Variants in MYO3B observed in about 807,000 individuals in gnomAD.
MYO3B encodes the protein myosin-IIIb.
In MYO3B, 156 loss-of-function variants were observed where a neutral mutation model predicts 174.6. The observed-to-expected ratio is 0.89, with a 90% CI of 0.78 to 1.02. MYO3B has a LOEUF of 1.02. Among genes scored for constraint, MYO3B ranks in the 50% least tolerant of loss-of-function variants. The pLI is 0.00. For synonymous variants in MYO3B, 563 were observed against 569.1 expected (o/e 0.99, Z 0.15); for missense variants, 1,632 against 1,639.4 (o/e 1.00, Z 0.08).
Position 170,606,678 on chromosome 2 carries a change from G to A in MYO3B, c.3734-44950G>A, listed in dbSNP as rs115895640. 4.7e-3 allele frequency among the ~76,000 whole-genome samples: 721 copies of A among 152,240 alleles called. 4 individuals are homozygous for A. The highest frequency in any genetic ancestry group is 0.016 in the African/African-American group (675 of 41,564). On this transcript the variant is annotated intron_variant, in intron 32 of 34. Coordinates refer to ENST00000408978, the MANE Select transcript of MYO3B (RefSeq NM_138995.5). ...AGCATTGCTGTGGATTTAGGAATGC[G>A]TAAATATTTGCAACATTTTCTCTAA...
At chr2:170,213,238 C>T (rs1023263741) in intron 3 of MYO3B, among the ~76,000 whole-genome samples, 1 of 152,116 alleles carries the variant, frequency 6.6e-6, no homozygotes, top group African/African-American at 2.4e-5. Context: ...TGGTTTATTC[C>T]GCCGGGAGCA....
At position 170,499,755 on chromosome 2, in the gene MYO3B, G is replaced by A; in HGVS notation, c.3236G>A (p.Arg1079Lys). ...ACCAAGGGGTGGCTTGGAGCCAGGA[G>A]ATACAAAAGGGTCAGAGAGAAGAGA... ...AYTKGWLGAR[R>K]YKRVREKREK... The change falls in exon 27 of 35, where the codon AGA becomes AAA. Residue 1079 changes from arginine to lysine, a missense_variant. Physicochemically the swap from Arg to Lys is conservative, Grantham distance 26. Transcript: ENST00000408978. 1 of 1,614,102 alleles carries A rather than the reference G, an allele frequency of 6.2e-7. No individual in the cohort carries two copies. Among genetic ancestry groups the A allele is most frequent in the Middle Eastern group, 1.7e-4 (1 of 6,058 alleles).
intron 4 of MYO3B, 88 bp from the exon 5 acceptor site, chr2:170,214,641 T>G (rs1378949659): frequency 1.5e-6 from 2 of 1,370,258 alleles, no homozygotes; most frequent in East Asian, 4.6e-5. Flanking sequence ...CATGAGACTT[T>G]TCAATAGTAG....
intron 25 of MYO3B, among the ~76,000 whole-genome samples, chr2:170,488,758 A>G (rs1482824795): frequency 2.0e-5 from 3 of 146,732 alleles, no homozygotes; most frequent in African/African-American, 4.9e-5. Context: ...GAATTTAGAA[A>G]GAGTTGCAAA....
chr2:170,651,836 T>A, intron 33 of MYO3B, 102 bp downstream of exon 33: 1 of 438,748 alleles, frequency 2.3e-6, no homozygotes, highest in Non-Finnish European at 3.6e-6. Context: ...ACCCCCACCC[T>A]CATGCTCTCG....
At position 170,499,691 on chromosome 2, in the gene MYO3B, C is replaced by G; in HGVS notation, c.3172C>G (p.Arg1058Gly). Reference protein sequence around the residue: ...YHVEQLNLLLREVIGRVVVLQ... With the variant: ...YHVEQLNLLLGEVIGRVVVLQ... ...TGTTGAGCAATTAAATTTGCTGCTT[C>G]GAGAAGTCATAGGCAGAGTGGTTGT... The change falls in exon 27 of 35, where the codon CGA becomes GGA. Residue 1058 changes from arginine to glycine, a missense_variant. Physicochemically the swap from Arg to Gly is moderately radical, Grantham distance 125. Transcript: ENST00000408978. 6.2e-7 allele frequency: 1 copy of G among 1,614,018 alleles called. No homozygotes were observed. Among genetic ancestry groups the G allele is most frequent in the Non-Finnish European group, 8.5e-7 (1 of 1,179,982 alleles).
intron 32 of MYO3B, among the ~76,000 whole-genome samples, chr2:170,625,777 G>C (rs2105354301): frequency 6.6e-6 from 1 of 152,314 alleles, no homozygotes; most frequent in African/African-American, 2.4e-5. Context: ...TGGTTTCAAA[G>C]AACATCTTTA....
At chr2:170,335,348 C>A (rs767837988) in intron 7 of MYO3B, 37 bp from the exon 8 acceptor site, 2 of 1,507,328 alleles carry the variant, frequency 1.3e-6, no homozygotes, top group Non-Finnish European at 9.1e-7. Flanking sequence ...TAATGAAATT[C>A]TTCTTTCTTA....
At chr2:170,607,185 A>G (rs1269383212) in intron 32 of MYO3B, among the ~76,000 whole-genome samples, 1 of 152,236 alleles carries the variant, frequency 6.6e-6, no homozygotes, top group Non-Finnish European at 1.5e-5. Context: ...GCTATTAGAT[A>G]GTTTGTTACT....
At chr2:170,290,565 T>C (rs1266368048) in intron 7 of MYO3B, among the ~76,000 whole-genome samples, 2 of 152,210 alleles carry the variant, frequency 1.3e-5, no homozygotes, top group African/African-American at 4.8e-5. Context: ...TCAGTCTATG[T>C]GTATCTTTAT....
Position 170,277,052 on chromosome 2 carries a change from A to C in MYO3B, c.749+40916A>C, listed in dbSNP as rs569707380. On this transcript the variant is annotated intron_variant, in intron 7 of 34. Coordinates refer to ENST00000408978, the MANE Select transcript of MYO3B (RefSeq NM_138995.5). ...CTGTTTTGCTCTAGTGGAAAATGTCATGCTGACAAGGTCAGTGCTGGGAAC... is the reference window on the plus strand; with the variant it reads ...CTGTTTTGCTCTAGTGGAAAATGTCCTGCTGACAAGGTCAGTGCTGGGAAC... Among the ~76,000 whole-genome samples the C allele has an allele frequency of 3.9e-5, 6 of 152,278 alleles. No individual in the cohort carries two copies. In the South Asian group the frequency reaches 1.0e-3, roughly 26 times the overall value.
intron 30 of MYO3B, among the ~76,000 whole-genome samples, chr2:170,538,671 CA>C (rs1198768622): frequency 6.6e-6 from 1 of 152,160 alleles, no homozygotes; most frequent in Non-Finnish European, 1.5e-5. Context: ...AGATGCCCAG[CA>C]GAAGGGTTCT....
chr2:170,597,955 T>C (rs1320179011), intron 32 of MYO3B, among the ~76,000 whole-genome samples: 2 of 152,208 alleles, frequency 1.3e-5, no homozygotes, highest in Non-Finnish European at 2.9e-5. Flanking sequence ...TTTCTCAACA[T>C]AGCACCTAAA....
At chr2:170,635,580 T>C (rs1206545708) in intron 32 of MYO3B, among the ~76,000 whole-genome samples, 1 of 152,196 alleles carries the variant, frequency 6.6e-6, no homozygotes, top group Non-Finnish European at 1.5e-5. Flanking sequence ...AACCTGCACA[T>C]TGTGTACATG....
intron 22 of MYO3B, chr2:170,408,557 A>T (rs949103522): frequency 4.6e-5 from 7 of 152,160 alleles, no homozygotes; most frequent in African/African-American, 9.7e-5. Flanking sequence ...CAGCCTTCTC[A>T]CAGCTCTACT....
At position 170,389,726 on chromosome 2, in the gene MYO3B, G is replaced by A. The variant is rs138655731; in HGVS notation, c.1578-1794G>A. On this transcript the variant is annotated intron_variant, in intron 14 of 34. Coordinates refer to ENST00000408978, the MANE Select transcript of MYO3B (RefSeq NM_138995.5). ...CTCAGGCCTTTCGGTTCCTGTCTCA[G>A]TGAAGGGTGCCACCATCACTAGATG... is the stretch of plus-strand genomic sequence containing the variant. Among the ~76,000 whole-genome samples the A allele has an allele frequency of 5.1e-3, 783 of 152,254 alleles. 7 individuals are homozygous for A. Among genetic ancestry groups the A allele is most frequent in the African/African-American group, 0.017 (719 of 41,536 alleles).
chr2:170,328,300 G>A (rs1262758775), intron 7 of MYO3B, among the ~76,000 whole-genome samples: 1 of 152,170 alleles, frequency 6.6e-6, no homozygotes, highest in Non-Finnish European at 1.5e-5. Flanking sequence ...ATTCTTGCAA[G>A]TGGAACCCAG....
At chr2:170,547,967 CG>C (rs1690640152) in intron 32 of MYO3B, among the ~76,000 whole-genome samples, 1 of 151,694 alleles carries the variant, frequency 6.6e-6, no homozygotes, top group South Asian at 2.1e-4. Flanking sequence ...TGTAGCCGGG[CG>C]TGGTGGCAGG....
At chr2:170,599,175 T>C (rs920498311) in intron 32 of MYO3B, among the ~76,000 whole-genome samples, 6 of 152,212 alleles carry the variant, frequency 3.9e-5, no homozygotes, top group Non-Finnish European at 8.8e-5. Context: ...ATTGTGTTCC[T>C]AGTCATTCTC....
Sources: allele counts gnomAD v4.1 joint callset (sites outside exome capture counted in the v4.1 genomes callset), GRCh38; gene constraint gnomAD v4.1.1; transcripts MANE v1.5; gene names NCBI Gene and HGNC (gene_info 2026-07-23, HGNC 2026-07-21).